The following THSD7B variants were observed in gnomAD, a reference collection of about 807,000 sequenced individuals.
THSD7B encodes the protein thrombospondin type-1 domain-containing protein 7B.
Under a neutral mutation model 213.6 loss-of-function variants are expected in THSD7B, and 138 were observed. The observed-to-expected ratio is 0.65, with a 90% CI of 0.56 to 0.74. THSD7B has a LOEUF of 0.74. THSD7B is among the 30% of genes least tolerant of loss of function. The pLI, the probability that THSD7B is intolerant of heterozygous loss-of-function variation, is 0.00. For missense variants in THSD7B, 1,931 were observed against 1,991.5 expected (o/e 0.97, Z 0.58); for synonymous variants, 742 against 687.0 (o/e 1.08, Z -1.25).
chr2:137,236,371 A>G (rs962453498), intron 9 of THSD7B, among the ~76,000 whole-genome samples: 2 of 152,204 alleles, frequency 1.3e-5, no homozygotes, highest in Admixed American at 1.3e-4. Flanking sequence ...TGTACAGGTG[A>G]GACTGTTACC....
intron 1 of THSD7B, among the ~76,000 whole-genome samples, chr2:136,793,077 A>G (rs1681996703): frequency 1.3e-5 from 2 of 151,946 alleles, no homozygotes; most frequent in South Asian, 4.1e-4. Context: ...GTGGGCATAT[A>G]TTTTCTTTTT....
At chr2:137,414,915 G>A (rs942193205) in intron 14 of THSD7B, among the ~76,000 whole-genome samples, 2 of 152,018 alleles carry the variant, frequency 1.3e-5, no homozygotes, top group African/African-American at 4.8e-5. Flanking sequence ...AATTAGCCAG[G>A]TGTGGTGGCA....
chr2:137,276,532 A>G (rs1362683111), intron 12 of THSD7B, among the ~76,000 whole-genome samples: 1 of 152,118 alleles, frequency 6.6e-6, no homozygotes, highest in Non-Finnish European at 1.5e-5. Flanking sequence ...AAGTAGTAAA[A>G]TTTCTGGAAG....
chr2:137,582,134 A>G (rs199939215), intron 17 of THSD7B, among the ~76,000 whole-genome samples: 1 of 151,744 alleles, frequency 6.6e-6, no homozygotes, highest in Admixed American at 6.6e-5. Flanking sequence ...AAATAAAAAT[A>G]AATTAATTAA....
chr2:136,909,032 A>T (rs181021851), intron 2 of THSD7B, among the ~76,000 whole-genome samples: 3 of 152,026 alleles, frequency 2.0e-5, no homozygotes, highest in Admixed American at 2.0e-4. Flanking sequence ...AATACAAAAA[A>T]GTTAGTCAGG....
chr2:137,037,433 C>T (rs541506831), intron 2 of THSD7B, among the ~76,000 whole-genome samples: 5 of 151,776 alleles, frequency 3.3e-5, no homozygotes, highest in African/African-American at 7.3e-5. Context: ...TATACACACA[C>T]GCACATAGAG....
At chr2:137,609,188 G>T (rs962773724) in intron 17 of THSD7B, among the ~76,000 whole-genome samples, 1 of 152,010 alleles carries the variant, frequency 6.6e-6, no homozygotes, top group Admixed American at 6.6e-5. Flanking sequence ...ATCTATTGTC[G>T]AGTATCTCTA....
Position 136,879,444 on chromosome 2 carries a change from G to T in THSD7B, c.-35-2700G>T, listed in dbSNP as rs527260974. Reference sequence around the variant, plus strand: ...TGAACGTTAAAGTAGTTTTTTCCAAGTCTGTGAAGAAAGTCATTGGTAGCT... The same window carrying T: ...TGAACGTTAAAGTAGTTTTTTCCAATTCTGTGAAGAAAGTCATTGGTAGCT... On this transcript the variant is annotated intron_variant, in intron 1 of 27. Coordinates refer to ENST00000409968, the MANE Select transcript of THSD7B (RefSeq NM_001316349.2). 2.6e-4 allele frequency among the ~76,000 whole-genome samples: 40 copies of T among 152,228 alleles called. 1 individual carries two copies. The East Asian group carries it at 3.3e-3, about 12-fold the overall frequency.
At chr2:136,895,408 G>C (rs947831406) in intron 2 of THSD7B, among the ~76,000 whole-genome samples, 2 of 150,954 alleles carry the variant, frequency 1.3e-5, no homozygotes, top group African/African-American at 4.9e-5. Context: ...CTCCACAGAG[G>C]ATCTCATTAA....
At chr2:137,160,531 A>G (rs1679999918) in intron 6 of THSD7B, among the ~76,000 whole-genome samples, 163 bp downstream of exon 6, 1 of 152,182 alleles carries the variant, frequency 6.6e-6, no homozygotes. Flanking sequence ...CAACTGGGAC[A>G]TTTCTGTGGA....
chr2:137,405,778 C>CAGTT lies in THSD7B; in HGVS notation c.2666_2667insAGTT (p.Thr890ValfsTer5). On this transcript the variant is annotated frameshift_variant, in exon 13 of 28. Transcript: ENST00000409968. LOFTEE classifies it high-confidence loss of function. ...ACGCCCTGCTCCACGAACTGTGAAG[C>CAGTT]CACAAAAAGTAGGCGGCGACAGCTC... The CAGTT allele has an allele frequency of 6.2e-7, 1 of 1,612,882 alleles. No individual in the cohort carries two copies. The highest frequency in any genetic ancestry group is 8.5e-7 in the Non-Finnish European group (1 of 1,179,450).
chr2:137,437,259 G>A lies in THSD7B; in HGVS notation c.2960-13586G>A, dbSNP rs183864805. Among the ~76,000 whole-genome samples, 496 of 152,232 alleles carry A rather than the reference G, an allele frequency of 3.3e-3. 4 individuals are homozygous for A. The highest frequency in any genetic ancestry group is 4.5e-3 in the Admixed American group (69 of 15,282). On this transcript the variant is annotated intron_variant, in intron 14 of 27. Coordinates refer to ENST00000409968, the MANE Select transcript of THSD7B (RefSeq NM_001316349.2). ...CCCAAGCTCTGATTTGACAGCTTAT[G>A]AAATCTTATAAAATGAAAATCCTTA...
chr2:137,272,414 G>A (rs1682766457), intron 10 of THSD7B, 119 bp from the exon 11 acceptor site: 1 of 1,028,544 alleles, frequency 9.7e-7, no homozygotes. Context: ...TTCGTTCCCA[G>A]GTTGACTTTC....
chr2:137,309,068 C>T (rs1683825528), intron 12 of THSD7B, among the ~76,000 whole-genome samples: 1 of 152,022 alleles, frequency 6.6e-6, no homozygotes, highest in African/African-American at 2.4e-5. Context: ...GTAAATATTT[C>T]CAAACGGGCT....
At chr2:137,497,377 C>T (rs1679594730) in intron 15 of THSD7B, among the ~76,000 whole-genome samples, 1 of 152,072 alleles carries the variant, frequency 6.6e-6, no homozygotes, top group Non-Finnish European at 1.5e-5. Context: ...AAACATTTCA[C>T]ATGACCCTAA....
chr2:137,428,595 T>C (rs1687109201), intron 14 of THSD7B, among the ~76,000 whole-genome samples: 1 of 152,164 alleles, frequency 6.6e-6, no homozygotes, highest in South Asian at 2.1e-4. Flanking sequence ...TATAAAGCAA[T>C]ATTATTTGGC....
chr2:137,085,500 TAAG>T (rs1487203116), intron 3 of THSD7B, among the ~76,000 whole-genome samples: 1 of 152,018 alleles, frequency 6.6e-6, no homozygotes, highest in Non-Finnish European at 1.5e-5. Context: ...AAGGAATAAT[TAAG>T]AAATGAACAT....
chr2:136,844,527 C>G (rs1682975662), intron 1 of THSD7B, among the ~76,000 whole-genome samples: 1 of 149,180 alleles, frequency 6.7e-6, no homozygotes, highest in Non-Finnish European at 1.5e-5. Context: ...TTCTCCTTTT[C>G]TTTTGTTCTC....
At chr2:137,622,877 C>G (rs551678741) in intron 20 of THSD7B, among the ~76,000 whole-genome samples, 49 of 152,320 alleles carry the variant, frequency 3.2e-4, no homozygotes, top group African/African-American at 1.1e-3. Flanking sequence ...CAGATGGATT[C>G]ACAGCCGATT....
Sources: gnomAD v4.1 joint callset for allele counts (sites outside exome capture counted in the v4.1 genomes callset) on GRCh38, gnomAD v4.1.1 for gene constraint, MANE v1.5 for transcripts, NCBI Gene and HGNC (gene_info 2026-07-23, HGNC 2026-07-21) for gene names.